ITIH2: variants seen among roughly 807,000 people sequenced by gnomAD.
ITIH2 encodes the protein inter-alpha-trypsin inhibitor heavy chain H2.
ITIH2 carries 103 observed loss-of-function variants against 104.4 expected under a neutral mutation model. The observed-to-expected ratio is 0.99, with a 90% CI of 0.84 to 1.16. The LOEUF is 1.16. ITIH2 is among the 50% of genes most tolerant of loss of function. The pLI, the probability that ITIH2 is intolerant of heterozygous loss-of-function variation, is 0.00. For synonymous variants in ITIH2, 436 were observed against 435.4 expected (o/e 1.00, Z -0.02); for missense variants, 1,108 against 1,162.4 (o/e 0.95, Z 0.68).
In ITIH2 at chr10:7,731,979, G is replaced by A. The variant is rs199997598; in HGVS notation, c.1630G>A (p.Val544Ile). ...DPAKLDQIES[V>I]ITATSANTQL... ...TGCTAAATTGGATCAAATAGAGAGC[G>A]TTATCACGGCGACTTCGGTACTTCC... Residue 544 changes from valine to isoleucine, a missense_variant, in exon 13 of 21, where the codon GTT becomes ATT. Transcript: ENST00000358415. The A allele has an allele frequency of 1.1e-4, 174 of 1,613,392 alleles. 1 individual carries two copies. In the East Asian group the frequency reaches 2.5e-3, roughly 23 times the overall value.
At chr10:7,719,689 A>C (rs188513402) in intron 6 of ITIH2, among the ~76,000 whole-genome samples, 3 of 149,572 alleles carry the variant, frequency 2.0e-5, no homozygotes, top group African/African-American at 7.5e-5. Flanking sequence ...TGAGCCTAAA[A>C]AATCGAGGCT....
At chr10:7,714,082 C>T (rs1834823165) in intron 5 of ITIH2, among the ~76,000 whole-genome samples, 1 of 151,632 alleles carries the variant, frequency 6.6e-6, no homozygotes, top group African/African-American at 2.4e-5. Flanking sequence ...TGCCAAGCCA[C>T]CCTCAAAAAG....
chr10:7,721,822 A>G (rs753986135), intron 8 of ITIH2, 45 bp downstream of exon 8: 32 of 1,603,536 alleles, frequency 2.0e-5, no homozygotes, highest in Non-Finnish European at 2.6e-5. Flanking sequence ...CTCGTGCCAA[A>G]GAGCTGCTCC....
Position 7,744,236 on chromosome 10 carries a change from A to G in ITIH2, c.2364A>G (p.Thr788=), listed in dbSNP as rs1465104754. 3 of 1,614,032 alleles carry G rather than the reference A, an allele frequency of 1.9e-6. No homozygotes were observed. The East Asian group carries it at 6.7e-5, about 36-fold the overall frequency. Residue 788 remains threonine, a synonymous_variant, in exon 18 of 21, where the codon ACA becomes ACG. Coordinates refer to ENST00000358415, the MANE Select transcript of ITIH2 (RefSeq NM_002216.3). ...TCACCCTGAGCCATGGTTCTAGCAC[A>G]TTCTCCTTGTCCTGGTCCGACACGG... ...ETITLSHGSS[T]FSLSWSDTAQ...
At chr10:7,717,563 G>C (rs1468457237) in intron 5 of ITIH2, 63 bp from the exon 6 acceptor site, 19 of 1,517,240 alleles carry the variant, frequency 1.3e-5, no homozygotes, top group Non-Finnish European at 1.6e-5. Context: ...CCTCTGCCTA[G>C]ATTCTGGGTC....
In ITIH2 at chr10:7,737,664, ATTATATTCTATATT is replaced by A. The variant is rs1215038093; in HGVS notation, c.1958-954_1958-941del. Among the ~76,000 whole-genome samples, 19 of 31,706 alleles carry A rather than the reference ATTATATTCTATATT, an allele frequency of 6.0e-4. 2 individuals are homozygous for A. Among genetic ancestry groups the A allele is most frequent in the Admixed American group, 2.1e-3 (4 of 1,894 alleles). The allele number at this position is 31,706 out of a possible 152,430, so 20.8% of individuals were successfully genotyped here. A position where few individuals can be genotyped will look rare whatever the true frequency, so the allele number is the denominator to read the frequency against. ...TAGAATATTCTATATTATATTCTAT[ATTATATTCTATATT>A]TTCTATATTATATTCTATATAATAT... On this transcript the variant is annotated intron_variant, in intron 15 of 20. Transcript: ENST00000358415.
At chr10:7,715,712 G>A (rs1834842326) in intron 5 of ITIH2, among the ~76,000 whole-genome samples, 3 of 152,116 alleles carry the variant, frequency 2.0e-5, no homozygotes, top group African/African-American at 7.2e-5. Context: ...TAGGCTGATT[G>A]TGCAACATCT....
intron 13 of ITIH2, 118 bp downstream of exon 13, chr10:7,732,114 G>T: frequency 1.1e-6 from 1 of 891,092 alleles, no homozygotes; most frequent in Non-Finnish European, 1.7e-6. Context: ...ATCAGTGATG[G>T]AGAAGGCATG....
At position 7,749,333 on chromosome 10, in the gene ITIH2, A is replaced by T. The variant is rs757283430; in HGVS notation, c.2840A>T (p.Ter947LeuextTer27). ...CTCTACAGCTTTCTCAAACGGCCTTAAAGGTTTATAGTTTGGGAAATTATA... is the reference window on the plus strand; with the variant it reads ...CTCTACAGCTTTCTCAAACGGCCTTTAAGGTTTATAGTTTGGGAAATTATA... ...PQLYSFLKRP* is the reference protein window; with the variant it reads ...PQLYSFLKRPL The change falls in exon 21 of 21, where the codon TAA becomes TTA. Residue 947 changes from the stop codon to leucine (L), a stop_lost. Transcript: ENST00000358415. The T allele has an allele frequency of 1.2e-6, 2 of 1,613,456 alleles. No homozygotes were observed. The highest frequency in any genetic ancestry group is 3.3e-5 in the Admixed American group (2 of 60,012).
intron 12 of ITIH2, among the ~76,000 whole-genome samples, chr10:7,731,234 A>G (rs912200430): frequency 1.3e-5 from 2 of 152,094 alleles, no homozygotes; most frequent in Non-Finnish European, 2.9e-5. Flanking sequence ...GACTTTTATC[A>G]TAAGTTTGTC....
intron 15 of ITIH2, among the ~76,000 whole-genome samples, chr10:7,737,199 G>C (rs1835063302): frequency 6.6e-6 from 1 of 151,092 alleles, no homozygotes; most frequent in Non-Finnish European, 1.5e-5. Flanking sequence ...GAACGAGTCT[G>C]TGTCTAAACT....
intron 6 of ITIH2, among the ~76,000 whole-genome samples, chr10:7,720,159 G>A (rs1370899581): frequency 1.3e-5 from 2 of 151,620 alleles, no homozygotes; most frequent in Non-Finnish European, 2.9e-5. Context: ...GGAGTGGGGT[G>A]AGGGATGAGA....
intron 3 of ITIH2, among the ~76,000 whole-genome samples, chr10:7,708,013 C>T (rs1202496736): frequency 1.3e-5 from 2 of 152,208 alleles, no homozygotes; most frequent in Non-Finnish European, 2.9e-5. Context: ...GGACAAGTGG[C>T]TTATGTTGTG....
chr10:7,738,626 C>T lies in ITIH2; in HGVS notation c.1963C>T (p.Leu655=). 6.2e-7 allele frequency: 1 copy of T among 1,613,760 alleles called. No homozygotes were observed. The highest frequency in any genetic ancestry group is 8.5e-7 in the Non-Finnish European group (1 of 1,179,856). Residue 655 remains leucine, a synonymous_variant, in exon 16 of 21, where the codon CTG becomes TTG. Coordinates refer to ENST00000358415, the MANE Select transcript of ITIH2 (RefSeq NM_002216.3). ...PQDPSCCSGA[L]YYGSKVVPDS... ...ATGCAGGTTTGTCTACGCAGGGGCC[C>T]TGTATTACGGCAGCAAAGTGGTTCC...
chr10:7,749,456 C>A lies in ITIH2; in HGVS notation c.*122C>A. Reference sequence around the variant, plus strand: ...TATCAGGGTGGTTAATTAAAATGAACCAGATATCAGGGTGGTTTATAAAGC... The same window carrying A: ...TATCAGGGTGGTTAATTAAAATGAAACAGATATCAGGGTGGTTTATAAAGC... On this transcript the variant is annotated 3_prime_UTR_variant, in exon 21 of 21. Coordinates refer to ENST00000358415, the MANE Select transcript of ITIH2 (RefSeq NM_002216.3). 2 of 791,144 alleles carry A rather than the reference C, an allele frequency of 2.5e-6. No homozygotes were observed. Among genetic ancestry groups the A allele is most frequent in the Non-Finnish European group, 4.0e-6 (2 of 505,846 alleles). 49.0% of individuals were successfully genotyped at this position (791,144 alleles called of 1,614,324 possible).
chr10:7,735,377 C>T (rs1835044717), intron 15 of ITIH2, among the ~76,000 whole-genome samples: 1 of 152,176 alleles, frequency 6.6e-6, no homozygotes, highest in Non-Finnish European at 1.5e-5. Flanking sequence ...GCCTGGGCAA[C>T]ATAGCGAGAC....
At chr10:7,707,835 G>A (rs1834761633) in intron 3 of ITIH2, among the ~76,000 whole-genome samples, 3 of 152,212 alleles carry the variant, frequency 2.0e-5, no homozygotes, top group African/African-American at 2.4e-5. Context: ...AAAGTGCTGG[G>A]ATTACAGGCA....
chr10:7,727,053 T>C lies in ITIH2; in HGVS notation c.1088T>C (p.Ile363Thr). 6.2e-7 allele frequency: 1 copy of C among 1,614,184 alleles called. No homozygotes were observed. Among genetic ancestry groups the C allele is most frequent in the Non-Finnish European group, 8.5e-7 (1 of 1,180,006 alleles). ...ATTCGAACTTGGAGAAATGATTTAATTTCAGCTACAAAAACACAGGTTGCA... is the reference window on the plus strand; with the variant it reads ...ATTCGAACTTGGAGAAATGATTTAACTTCAGCTACAAAAACACAGGTTGCA... The part of the protein sequence containing the change: ...QNIRTWRNDL[I>T]SATKTQVADA... The change falls in exon 10 of 21, where the codon ATT (isoleucine) becomes ACT (threonine). Residue 363 changes from isoleucine to threonine, a missense_variant. Coordinates refer to ENST00000358415, the MANE Select transcript of ITIH2 (RefSeq NM_002216.3).
chr10:7,721,405 G>A (rs1329609211), intron 7 of ITIH2, among the ~76,000 whole-genome samples: 1 of 152,228 alleles, frequency 6.6e-6, no homozygotes, highest in Non-Finnish European at 1.5e-5. Context: ...TTCTACAGGG[G>A]ATGAAGGAAA....
Sources: allele counts gnomAD v4.1 joint callset (sites outside exome capture counted in the v4.1 genomes callset), GRCh38; gene constraint gnomAD v4.1.1; transcripts MANE v1.5; gene names NCBI Gene and HGNC (gene_info 2026-07-23, HGNC 2026-07-21).